NCALD: variants seen among roughly 807,000 people sequenced by gnomAD.
NCALD encodes the protein neurocalcin-delta.
In NCALD, 10 loss-of-function variants were observed where a neutral mutation model predicts 18.6. The ratio of observed to expected loss-of-function variants is 0.54; its 90% CI spans 0.33 to 0.91. The LOEUF is 0.91. Among genes scored for constraint, NCALD ranks in the 40% least tolerant of loss-of-function variants. NCALD has a pLI of 0.03. For missense variants in NCALD, 184 were observed against 247.6 expected (o/e 0.74, Z 1.72); for synonymous variants, 88 against 87.4 (o/e 1.01, Z -0.04).
At chr8:101,820,799 A>G (rs1813689715) in intron 4 of NCALD, among the ~76,000 whole-genome samples, 1 of 152,178 alleles carries the variant, frequency 6.6e-6, no homozygotes. Context: ...AACTTCTCCA[A>G]AACAATATAC....
At chr8:101,887,854 C>A (rs486496) in intron 3 of NCALD, among the ~76,000 whole-genome samples, 1 of 151,892 alleles carries the variant, frequency 6.6e-6, no homozygotes, top group African/African-American at 2.4e-5. Context: ...AAAAGTAAGA[C>A]TGGTTTTGGG....
chr8:101,716,467 ATTT>A (rs1224135219), intron 2 of NCALD, among the ~76,000 whole-genome samples: 1 of 152,208 alleles, frequency 6.6e-6, no homozygotes, highest in African/African-American at 2.4e-5. Context: ...TTCAAGTATA[ATTT>A]TTTAAAAAAG....
intron 4 of NCALD, among the ~76,000 whole-genome samples, chr8:101,826,303 C>T (rs1262270374): frequency 6.6e-6 from 1 of 152,224 alleles, no homozygotes; most frequent in Admixed American, 6.5e-5. Context: ...CAAAGAATCA[C>T]TCCCAGAGAT....
At chr8:101,935,712 G>A (rs1818736362) in intron 2 of NCALD, among the ~76,000 whole-genome samples, 1 of 151,468 alleles carries the variant, frequency 6.6e-6, no homozygotes, top group Non-Finnish European at 1.5e-5. Context: ...TGGATATGAT[G>A]AGTCTGGACA....
At chr8:101,912,804 A>T (rs1200604882) in intron 3 of NCALD, among the ~76,000 whole-genome samples, 1 of 152,238 alleles carries the variant, frequency 6.6e-6, no homozygotes, top group Non-Finnish European at 1.5e-5. Flanking sequence ...CTTGATTTTC[A>T]GCAAACGAAA....
intron 2 of NCALD, among the ~76,000 whole-genome samples, chr8:101,989,922 G>A (rs1318192051): frequency 6.6e-6 from 1 of 152,090 alleles, no homozygotes; most frequent in East Asian, 1.9e-4. Context: ...CTGACAATTG[G>A]GTTTAGGGGG....
intron 2 of NCALD, among the ~76,000 whole-genome samples, chr8:101,933,709 A>G (rs1194216188): frequency 6.6e-6 from 1 of 152,188 alleles, no homozygotes; most frequent in Non-Finnish European, 1.5e-5. Flanking sequence ...CCCAGTCCTC[A>G]TCGATCCTAA....
intron 2 of NCALD, among the ~76,000 whole-genome samples, chr8:102,005,999 T>C (rs992579849): frequency 2.2e-4 from 33 of 151,736 alleles, no homozygotes; most frequent in Middle Eastern, 3.4e-3. Context: ...CTGCACGTTG[T>C]GCACATGTAC....
chr8:101,733,896 C>T (rs113411103), intron 1 of NCALD, among the ~76,000 whole-genome samples: 2 of 152,204 alleles, frequency 1.3e-5, no homozygotes, highest in African/African-American at 4.8e-5. Context: ...ATTAGAGAAG[C>T]AGTTGAAGGT....
intron 2 of NCALD, among the ~76,000 whole-genome samples, chr8:101,999,073 CAAAA>C (rs34227411): frequency 3.8e-5 from 3 of 79,346 alleles, no homozygotes; most frequent in East Asian, 7.0e-4. Flanking sequence ...CACTCACCAT[CAAAA>C]AAAAAAAAAA....
chr8:101,964,454 G>C (rs770430278), intron 2 of NCALD, among the ~76,000 whole-genome samples: 7 of 152,144 alleles, frequency 4.6e-5, no homozygotes, highest in Non-Finnish European at 8.8e-5. Context: ...GGTCCCAGTA[G>C]CCTTCCATCT....
intron 4 of NCALD, among the ~76,000 whole-genome samples, chr8:101,866,736 C>T (rs1054672560): frequency 6.6e-6 from 1 of 152,126 alleles, no homozygotes; most frequent in East Asian, 1.9e-4. Context: ...CTCATTACCA[C>T]CATTTCTACC....
At chr8:102,021,858 C>G (rs1322060620) in intron 1 of NCALD, among the ~76,000 whole-genome samples, 1 of 151,780 alleles carries the variant, frequency 6.6e-6, no homozygotes, top group Non-Finnish European at 1.5e-5. Context: ...ATCCAGCACT[C>G]TAGGACTCAG....
At chr8:101,740,755 G>T (rs1810151310) in intron 1 of NCALD, among the ~76,000 whole-genome samples, 1 of 152,076 alleles carries the variant, frequency 6.6e-6, no homozygotes, top group South Asian at 2.1e-4. Flanking sequence ...TATAAGACAG[G>T]TTCTGTGTGC....
intron 3 of NCALD, among the ~76,000 whole-genome samples, chr8:101,914,549 T>C (rs1028932907): frequency 3.9e-5 from 6 of 152,204 alleles, no homozygotes; most frequent in Non-Finnish European, 8.8e-5. Flanking sequence ...AAAGGCAGAG[T>C]ATCTTACATA....
At chr8:101,898,088 T>G (rs1048996560) in intron 3 of NCALD, among the ~76,000 whole-genome samples, 1 of 152,228 alleles carries the variant, frequency 6.6e-6, no homozygotes, top group African/African-American at 2.4e-5. Context: ...TGATTGGAAG[T>G]TTCCTGAGGC....
At chr8:101,853,179 A>C (rs1384180023) in intron 4 of NCALD, among the ~76,000 whole-genome samples, 2 of 152,208 alleles carry the variant, frequency 1.3e-5, no homozygotes, top group African/African-American at 4.8e-5. Context: ...AATAAATTAA[A>C]ACCCATAAAG....
At chr8:101,976,506 G>A (rs1820428545) in intron 2 of NCALD, among the ~76,000 whole-genome samples, 1 of 152,194 alleles carries the variant, frequency 6.6e-6, no homozygotes, top group Admixed American at 6.5e-5. Context: ...AAACTCCAAT[G>A]TTCATATCCA....
At chr8:101,765,996 CAT>C (rs1450404901) in intron 1 of NCALD, among the ~76,000 whole-genome samples, 1 of 152,180 alleles carries the variant, frequency 6.6e-6, no homozygotes, top group Non-Finnish European at 1.5e-5. Flanking sequence ...CTCACGTGCA[CAT>C]GTCATTCTCA....
Sources: gnomAD v4.1 joint callset for allele counts (sites outside exome capture counted in the v4.1 genomes callset) on GRCh38, gnomAD v4.1.1 for gene constraint, MANE v1.5 for transcripts, NCBI Gene and HGNC (gene_info 2026-07-23, HGNC 2026-07-21) for gene names.